The following COL27A1 variants were observed in gnomAD, a reference collection of about 807,000 sequenced individuals.
COL27A1 encodes the protein collagen type XXVII alpha 1 chain.
In COL27A1, 106 loss-of-function variants were observed where a neutral mutation model predicts 251.3. The observed-to-expected ratio is 0.42, with a 90% confidence interval of 0.36 to 0.50. The LOEUF (loss-of-function observed/expected upper bound fraction) is 0.50. Ranked by LOEUF, COL27A1 falls within the 20% of genes least tolerant of loss-of-function variation. The probability of loss-of-function intolerance (pLI) is 0.00; values close to 1 mark genes in which losing one functional copy is unlikely to be tolerated. For missense variants in COL27A1, 2,325 were observed against 2,522.8 expected, an observed-to-expected ratio of 0.92 and a Z score of 1.68; for synonymous variants, 1,000 against 986.3, an observed-to-expected ratio of 1.01 and a Z score of -0.26.
chr9:114,252,506 C>A (rs41278647), intron 25 of COL27A1, 87 bp from the exon 26 acceptor site: 14,690 of 1,112,492 alleles, frequency 0.013, 151 homozygotes, highest in South Asian at 0.016. Flanking sequence ...TCTCTTTGAG[C>A]CTCTGGATGG....
intron 16 of COL27A1, among the ~76,000 whole-genome samples, chr9:114,234,403 T>C (rs1296187346): frequency 6.6e-6 from 1 of 152,142 alleles, no homozygotes. Flanking sequence ...AGGTTTTCCA[T>C]TTTTCCTGGG....
At chr9:114,200,169 G>A (rs1829468076) in intron 7 of COL27A1, among the ~76,000 whole-genome samples, 1 of 152,192 alleles carries the variant, frequency 6.6e-6, no homozygotes, top group Non-Finnish European at 1.5e-5. Context: ...TTCTGCCTGA[G>A]TGTGGCACCC....
Position 114,300,672 on chromosome 9 carries a change from G to T in COL27A1, c.4686G>T (p.Gly1562=). Residue 1562 remains glycine (G), a synonymous_variant, in exon 51 of 61, where the codon GGG becomes GGT. Transcript: ENST00000356083. ...TCAAAGGCATCCAGGGCCCTCGGGGGCCACCTGGCTTGATGGTGAGTTCCC... is the reference window on the plus strand; with the variant it reads ...TCAAAGGCATCCAGGGCCCTCGGGGTCCACCTGGCTTGATGGTGAGTTCCC... ...IGFKGIQGPR[G]PPGLMGKEGI... is the part of the protein sequence containing the mutation. 6.6e-7 allele frequency: 1 copy of T among 1,512,748 alleles called. No homozygotes were observed. Among genetic ancestry groups the T allele is most frequent in the East Asian group, 2.4e-5 (1 of 41,056 alleles). The allele number at this position is 1,512,748 out of a possible 1,614,324, so 93.7% of individuals were successfully genotyped here. A position where few individuals can be genotyped will look rare whatever the true frequency, so the allele number is the denominator to read the frequency against.
At chr9:114,306,754 T>A in intron 58 of COL27A1, 66 bp downstream of exon 58, 1 of 1,560,226 alleles carries the variant, frequency 6.4e-7, no homozygotes, top group Non-Finnish European at 8.7e-7. Flanking sequence ...GTGGAGTATT[T>A]GATTTCCGCC....
At chr9:114,231,952 A>G (rs1588714363) in intron 16 of COL27A1, 86 bp downstream of exon 16, 40 of 1,321,600 alleles carry the variant, frequency 3.0e-5, no homozygotes, top group Non-Finnish European at 3.7e-5. Context: ...ATTTCTCGCC[A>G]GGTCCACTCC....
rs16927667 is a variant in COL27A1, at chr9:114,264,463, C to T, written c.3249+55C>T. On this transcript the variant is annotated intron_variant, in intron 29 of 60. Transcript: ENST00000356083. ...ACTCCTCCGACACTGGGTCAGGAAT[C>T]GTGAACAAGGCTCACAGCTCCTCAG... 8.3e-3 allele frequency: 11,385 copies of T among 1,379,646 alleles called. 725 individuals are homozygous for T. The African/African-American group carries it at 0.14, about 17-fold the overall frequency. 85.5% of individuals were successfully genotyped at this position (1,379,646 alleles called of 1,614,324 possible).
intron 16 of COL27A1, 41 bp from the exon 17 acceptor site, chr9:114,235,558 C>T (rs373387387): frequency 1.1e-5 from 17 of 1,544,554 alleles, no homozygotes; most frequent in Admixed American, 5.0e-5. Flanking sequence ...CCAGAACCCA[C>T]GTGGCCTCCA....
intron 13 of COL27A1, among the ~76,000 whole-genome samples, chr9:114,221,870 T>C (rs1482551053): frequency 1.3e-5 from 2 of 152,254 alleles, no homozygotes; most frequent in Non-Finnish European, 2.9e-5. Flanking sequence ...ACTTAACCTC[T>C]GGAGCTTCAG....
intron 48 of COL27A1, among the ~76,000 whole-genome samples, chr9:114,291,365 A>C (rs1280868493): frequency 1.3e-5 from 2 of 152,150 alleles, no homozygotes; most frequent in Non-Finnish European, 2.9e-5. Context: ...TCTGAGCTCG[A>C]GGTTTAATTG....
At chr9:114,279,901 A>G (rs1053288520) in intron 37 of COL27A1, among the ~76,000 whole-genome samples, 7 of 152,214 alleles carry the variant, frequency 4.6e-5, no homozygotes, top group African/African-American at 1.4e-4. Flanking sequence ...TTAGCCCAAT[A>G]TATCCAAATA....
At chr9:114,263,485 T>C (rs1437536347) in intron 28 of COL27A1, among the ~76,000 whole-genome samples, 1 of 151,030 alleles carries the variant, frequency 6.6e-6, no homozygotes, top group East Asian at 2.0e-4. Flanking sequence ...TTCCACGGGT[T>C]TTTTCCAGGA....
At chr9:114,206,526 G>A (rs1829977566) in intron 10 of COL27A1, among the ~76,000 whole-genome samples, 1 of 152,240 alleles carries the variant, frequency 6.6e-6, no homozygotes, top group Admixed American at 6.5e-5. Context: ...AGACTCTGCT[G>A]GGGGTTTGGC....
intron 4 of COL27A1, among the ~76,000 whole-genome samples, chr9:114,180,104 T>C (rs1332437958): frequency 6.6e-6 from 1 of 152,082 alleles, no homozygotes; most frequent in East Asian, 1.9e-4. Context: ...CCTCCCAAAG[T>C]GCTGGGATTA....
chr9:114,179,884 G>C (rs1343585234), intron 4 of COL27A1, among the ~76,000 whole-genome samples: 2 of 136,726 alleles, frequency 1.5e-5, no homozygotes, highest in Non-Finnish European at 3.0e-5. Context: ...TGTCTCCCAG[G>C]CTGGAGTGCA....
chr9:114,203,978 A>G (rs912958332), intron 7 of COL27A1, among the ~76,000 whole-genome samples: 1 of 152,072 alleles, frequency 6.6e-6, no homozygotes, highest in Non-Finnish European at 1.5e-5. Context: ...GACTGTTGGA[A>G]GGAGTAGATG....
chr9:114,259,445 T>C (rs1253863166), intron 28 of COL27A1, among the ~76,000 whole-genome samples: 1 of 152,210 alleles, frequency 6.6e-6, no homozygotes, highest in Non-Finnish European at 1.5e-5. Context: ...GGTGCTATTC[T>C]CATTCCCATT....
At chr9:114,286,623 A>C (rs75515923) in intron 41 of COL27A1, among the ~76,000 whole-genome samples, 113 of 152,326 alleles carry the variant, frequency 7.4e-4, no homozygotes, top group Admixed American at 1.6e-3. Flanking sequence ...GGTGCTAAAA[A>C]ATGATATACC....
At chr9:114,165,125 C>T (rs746478468) in intron 2 of COL27A1, among the ~76,000 whole-genome samples, 8 of 152,164 alleles carry the variant, frequency 5.3e-5, no homozygotes, top group African/African-American at 7.2e-5. Flanking sequence ...ATGGTGTAGG[C>T]GCACTTTATA....
At chr9:114,156,657 A>G (rs542031134) in intron 1 of COL27A1, among the ~76,000 whole-genome samples, 2 of 152,098 alleles carry the variant, frequency 1.3e-5, no homozygotes, top group African/African-American at 4.8e-5. Flanking sequence ...CAGAGCAGAA[A>G]GGGCCCTGGG....
Sources: gnomAD v4.1 joint callset for allele counts (sites outside exome capture counted in the v4.1 genomes callset) on GRCh38, gnomAD v4.1.1 for gene constraint, MANE v1.5 for transcripts, NCBI Gene and HGNC (gene_info 2026-07-23, HGNC 2026-07-21) for gene names.